Variants in MBNL2 observed in about 807,000 individuals in gnomAD.
MBNL2 encodes muscleblind-like protein 2.
MBNL2 carries 17 observed loss-of-function variants against 41.9 expected under a neutral mutation model. The ratio of observed to expected loss-of-function variants is 0.41; its 90% CI spans 0.28 to 0.61. MBNL2 has a LOEUF of 0.61. Ranked by LOEUF, MBNL2 falls within the 20% of genes least tolerant of loss-of-function variation. The pLI, the probability that MBNL2 is intolerant of heterozygous loss-of-function variation, is 0.35. For missense variants in MBNL2, 336 were observed against 505.6 expected (o/e 0.66, Z 3.22); for synonymous variants, 195 against 182.9 (o/e 1.07, Z -0.53).
At chr13:97,316,490 T>A (rs754001116) in intron 2 of MBNL2, among the ~76,000 whole-genome samples, 17 of 152,238 alleles carry the variant, frequency 1.1e-4, no homozygotes, top group Non-Finnish European at 1.2e-4. Context: ...CCCTACCTGG[T>A]CAAACCATGG....
the MBNL2 span, among the ~76,000 whole-genome samples, chr13:97,208,061 G>C: frequency 1.3e-5 from 2 of 152,212 alleles, no homozygotes; most frequent in South Asian, 2.1e-4. Context: ...GGTTTTGCAG[G>C]GTACAGCCTC....
rs2058465985 is a variant in MBNL2, at chr13:97,310,213, TC to T, written c.175-24060del. Among the ~76,000 whole-genome samples, 6 of 152,250 alleles carry T rather than the reference TC, an allele frequency of 3.9e-5. No homozygotes were observed. The South Asian group carries it at 1.2e-3, about 32-fold the overall frequency. On this transcript the variant is annotated intron_variant, in intron 2 of 8. Coordinates refer to ENST00000679496, the MANE Select transcript of MBNL2 (RefSeq NM_001382683.1). ...GCTCTGACTCCAAAGAGTCGTGTGA[TC>T]CCAGACAAGTCACGTTCTCTCTCTA...
At chr13:97,146,299 C>T in the MBNL2 span, among the ~76,000 whole-genome samples, 4 of 152,086 alleles carry the variant, frequency 2.6e-5, no homozygotes, top group African/African-American at 9.7e-5. Context: ...TCGCGCCCAG[C>T]AGGTTCTACT....
chr13:97,192,618 C>G, the MBNL2 span, among the ~76,000 whole-genome samples: 3 of 152,318 alleles, frequency 2.0e-5, no homozygotes, highest in Middle Eastern at 6.8e-3. Flanking sequence ...CATGGTTTGG[C>G]AATCAGGAAA....
At position 97,268,910 on chromosome 13, in the gene MBNL2, T is replaced by A. The variant is rs1175146008; in HGVS notation, c.-604-6722T>A. ...TGACCAGGCAGTATTAAAGATGGGC[T>A]GTAGGAGAGGGTGTCAAAAGGGAAA... On this transcript the variant is annotated intron_variant, in intron 1 of 8. Coordinates refer to ENST00000679496, the MANE Select transcript of MBNL2 (RefSeq NM_001382683.1). The surrounding 1 kb of genome is among the most constrained non-coding windows in gnomAD (Gnocchi z 4.6). Among the ~76,000 whole-genome samples the A allele has an allele frequency of 1.3e-5, 2 of 152,182 alleles. No individual in the cohort carries two copies.
intron 1 of MBNL2, among the ~76,000 whole-genome samples, chr13:97,227,020 T>C (rs2041706485): frequency 1.3e-5 from 2 of 150,626 alleles, no homozygotes; most frequent in African/African-American, 2.5e-5. Flanking sequence ...TTTCCCCCTT[T>C]TTCCTTAAAA....
chr13:97,269,357 C>T (rs1301658775), intron 1 of MBNL2, among the ~76,000 whole-genome samples: 1 of 152,120 alleles, frequency 6.6e-6, no homozygotes, highest in Non-Finnish European at 1.5e-5. Flanking sequence ...TGGGGCAATG[C>T]CGTTATACAT....
intron 2 of MBNL2, among the ~76,000 whole-genome samples, chr13:97,292,200 CA>C (rs34473435): frequency 3.2e-3 from 225 of 69,492 alleles, no homozygotes; most frequent in East Asian, 9.7e-3. Context: ...GACTCCATCT[CA>C]AAAAAAAAAA....
the MBNL2 span, among the ~76,000 whole-genome samples, chr13:97,185,077 A>G: frequency 1.3e-5 from 2 of 152,088 alleles, no homozygotes; most frequent in African/African-American, 4.8e-5. Flanking sequence ...GCATGTTTTC[A>G]TGCTTTTAAT....
In MBNL2 at chr13:97,364,571, T is replaced by TAAAC. The variant is rs545646496; in HGVS notation, c.1013-563_1013-560dup. ...CTGATTTGGAGAATATCTTAAATCT[T>TAAAC]AAACACTGTTATTTTCATACCGTTG... is the stretch of plus-strand genomic sequence containing the variant. On this transcript the variant is annotated intron_variant, in intron 7 of 8. Transcript: ENST00000679496. Among the ~76,000 whole-genome samples the TAAAC allele has an allele frequency of 7.2e-5, 11 of 152,334 alleles. No individual in the cohort carries two copies. The East Asian group carries it at 1.9e-3, about 27-fold the overall frequency.
At chr13:97,272,540 T>C (rs912674533) in intron 1 of MBNL2, among the ~76,000 whole-genome samples, 26 of 152,222 alleles carry the variant, frequency 1.7e-4, no homozygotes, top group African/African-American at 6.0e-4. Context: ...CTGAATGGTA[T>C]TGCCTAGGTT....
chr13:97,205,873 T>C, the MBNL2 span, among the ~76,000 whole-genome samples: 5 of 152,354 alleles, frequency 3.3e-5, no homozygotes, highest in South Asian at 1.0e-3. Flanking sequence ...TAATCAAATT[T>C]GTTAAGACAA....
At chr13:97,192,536 CAG>C in the MBNL2 span, among the ~76,000 whole-genome samples, 2 of 152,252 alleles carry the variant, frequency 1.3e-5, no homozygotes, top group Non-Finnish European at 2.9e-5. Flanking sequence ...TCAATATAGA[CAG>C]AGGGTGCCCA....
At chr13:97,242,689 G>A (rs1230361495) in intron 1 of MBNL2, among the ~76,000 whole-genome samples, 5 of 151,980 alleles carry the variant, frequency 3.3e-5, no homozygotes, top group South Asian at 2.1e-4. Context: ...CCTGGGTCCC[G>A]GGAGCCCCCC....
intron 8 of MBNL2, among the ~76,000 whole-genome samples, chr13:97,375,054 C>T (rs2064835198): frequency 6.6e-6 from 1 of 150,940 alleles, no homozygotes; most frequent in South Asian, 2.1e-4. Flanking sequence ...CGTCTGCCTG[C>T]GCATTTGGGG....
At chr13:97,213,005 G>A in the MBNL2 span, among the ~76,000 whole-genome samples, 1 of 152,164 alleles carries the variant, frequency 6.6e-6, no homozygotes, top group African/African-American at 2.4e-5. Context: ...TGAGGAGAAA[G>A]GCTACTGTGA....
intron 1 of MBNL2, among the ~76,000 whole-genome samples, chr13:97,232,479 G>A (rs578093592): frequency 4.3e-4 from 66 of 152,292 alleles, no homozygotes; most frequent in Non-Finnish European, 6.3e-4. Flanking sequence ...TATCAACTCA[G>A]TTAAACCTTT....
At chr13:97,261,998 T>A (rs776378301) in intron 1 of MBNL2, among the ~76,000 whole-genome samples, 1 of 152,172 alleles carries the variant, frequency 6.6e-6, no homozygotes, top group African/African-American at 2.4e-5. Context: ...TCTCCTTCCA[T>A]TAAAATGAAA....
chr13:97,156,123 T>A, the MBNL2 span, among the ~76,000 whole-genome samples: 1 of 114,224 alleles, frequency 8.8e-6, no homozygotes, highest in Non-Finnish European at 1.8e-5. Flanking sequence ...ATTGTGGTTT[T>A]GATTTGCATT....
Sources: gnomAD v4.1 joint callset for allele counts (sites outside exome capture counted in the v4.1 genomes callset) on GRCh38, gnomAD v4.1.1 for gene constraint, Gnocchi (gnomAD v3.1) non-coding constraint, MANE v1.5 for transcripts, NCBI Gene and HGNC (gene_info 2026-07-23, HGNC 2026-07-21) for gene names.